Variants in RALYL observed in about 807,000 individuals in gnomAD.
The protein encoded by RALYL is RALY RNA binding protein like.
Under a neutral mutation model 35.1 loss-of-function variants are expected in RALYL, and 29 were observed. That is an observed-to-expected ratio of 0.83 (90% CI 0.61 to 1.13). The LOEUF (loss-of-function observed/expected upper bound fraction) is 1.13, where lower values mean the gene tolerates loss of function less well. RALYL is among the 50% of genes most tolerant of loss of function. RALYL has a pLI of 0.00. For synonymous variants in RALYL, 120 were observed against 127.6 expected (o/e 0.94, Z 0.40); for missense variants, 359 against 360.4 (o/e 1.00, Z 0.03).
chr8:84,392,958 T>G (rs138763291), intron 1 of RALYL, among the ~76,000 whole-genome samples: 115 of 152,232 alleles, frequency 7.6e-4, no homozygotes, highest in African/African-American at 2.7e-3. Flanking sequence ...AAGTGTTGCT[T>G]TCTGTGTTTC....
chr8:84,815,178 A>G (rs1216082753), intron 4 of RALYL, among the ~76,000 whole-genome samples: 1 of 152,238 alleles, frequency 6.6e-6, no homozygotes, highest in Non-Finnish European at 1.5e-5. Context: ...CACTCCACAG[A>G]GACCAGGATA....
intron 2 of RALYL, among the ~76,000 whole-genome samples, chr8:84,714,331 A>T (rs1842640840): frequency 6.6e-6 from 1 of 151,888 alleles, no homozygotes; most frequent in Non-Finnish European, 1.5e-5. Context: ...CAGGAGATCT[A>T]TTGTGCAACA....
At chr8:84,459,539 G>T (rs182469253) in intron 1 of RALYL, among the ~76,000 whole-genome samples, 222 of 151,830 alleles carry the variant, frequency 1.5e-3, no homozygotes, top group African/African-American at 5.1e-3. Flanking sequence ...CATTGAAAGA[G>T]GTTAAACAGA....
intron 1 of RALYL, among the ~76,000 whole-genome samples, chr8:84,400,140 A>G (rs374494749): frequency 6.6e-6 from 1 of 152,070 alleles, no homozygotes; most frequent in African/African-American, 2.4e-5. Context: ...AATGCTTGGG[A>G]CCAGAAGTGT....
In RALYL at chr8:84,916,254, T is replaced by A. The variant is rs117850943; in HGVS notation, c.859-4640T>A. ...TACTTTAGTTTATAAGATTGATTTA[T>A]CTTATATCACATATCTTGTATCTTA... On this transcript the variant is annotated intron_variant, in intron 8 of 8. Coordinates refer to ENST00000521268, the MANE Select transcript of RALYL (RefSeq NM_173848.7). Among the ~76,000 whole-genome samples, 148 of 152,282 alleles carry A rather than the reference T, an allele frequency of 9.7e-4. 1 individual carries two copies. In the East Asian group the frequency reaches 0.024, roughly 25 times the overall value.
chr8:84,409,170 C>T (rs761241461), intron 1 of RALYL, among the ~76,000 whole-genome samples: 13 of 151,936 alleles, frequency 8.6e-5, no homozygotes, highest in Admixed American at 2.0e-4. Context: ...AATATTTTAA[C>T]GTTTGAAAGT....
chr8:84,303,807 A>G (rs1024193524), intron 1 of RALYL, among the ~76,000 whole-genome samples: 1 of 152,116 alleles, frequency 6.6e-6, no homozygotes. Flanking sequence ...ATTTATGGGT[A>G]TTTCCATTTC....
chr8:84,388,796 T>A (rs866795431), intron 1 of RALYL, among the ~76,000 whole-genome samples: 35 of 152,282 alleles, frequency 2.3e-4, no homozygotes, highest in Admixed American at 3.9e-4. Context: ...GTGGGTTGCC[T>A]GTTCACTCTG....
At chr8:84,834,842 C>A (rs192825857) in intron 4 of RALYL, among the ~76,000 whole-genome samples, 1 of 152,268 alleles carries the variant, frequency 6.6e-6, no homozygotes, top group South Asian at 2.1e-4. Flanking sequence ...GAAAGTTCCA[C>A]AGATGTGTAA....
chr8:84,286,642 A>G (rs1241500960), intron 1 of RALYL, among the ~76,000 whole-genome samples: 3 of 152,230 alleles, frequency 2.0e-5, no homozygotes, highest in African/African-American at 7.2e-5. Context: ...TCATAAATCA[A>G]TACATGGAGA....
chr8:84,491,947 G>A (rs1174216626), intron 1 of RALYL, among the ~76,000 whole-genome samples: 1 of 151,720 alleles, frequency 6.6e-6, no homozygotes, highest in Non-Finnish European at 1.5e-5. Context: ...ATGAAATACA[G>A]CAAGTGATGG....
At chr8:84,206,619 ATAGT>A (rs1818118677) in intron 1 of RALYL, among the ~76,000 whole-genome samples, 1 of 152,128 alleles carries the variant, frequency 6.6e-6, no homozygotes, top group Non-Finnish European at 1.5e-5. Context: ...ACTTTGAGGA[ATAGT>A]TAGGAATGAA....
chr8:84,626,984 T>G (rs924813859), intron 2 of RALYL, among the ~76,000 whole-genome samples: 1 of 152,112 alleles, frequency 6.6e-6, no homozygotes, highest in Non-Finnish European at 1.5e-5. Context: ...AAGAACTGAT[T>G]CTAGACAAAG....
intron 1 of RALYL, among the ~76,000 whole-genome samples, chr8:84,473,777 T>A (rs1248714074): frequency 6.6e-6 from 1 of 151,928 alleles, no homozygotes; most frequent in Non-Finnish European, 1.5e-5. Context: ...GTGTTATTTT[T>A]AATAAATAAA....
chr8:84,203,795 T>C (rs1448403080), intron 1 of RALYL, among the ~76,000 whole-genome samples: 1 of 152,136 alleles, frequency 6.6e-6, no homozygotes, highest in African/African-American at 2.4e-5. Flanking sequence ...CAGTCATTTA[T>C]TTATTCTCAT....
chr8:84,333,964 G>T (rs1847302185), intron 1 of RALYL, among the ~76,000 whole-genome samples: 1 of 152,084 alleles, frequency 6.6e-6, no homozygotes, highest in African/African-American at 2.4e-5. Context: ...CTGTTTCACT[G>T]CAACCTCCAT....
chr8:84,617,901 A>T (rs180964353), intron 2 of RALYL, among the ~76,000 whole-genome samples: 16 of 151,742 alleles, frequency 1.1e-4, no homozygotes, highest in Admixed American at 3.3e-4. Context: ...ACATTTATTG[A>T]TTTGCGTATA....
intron 2 of RALYL, among the ~76,000 whole-genome samples, chr8:84,628,940 T>G (rs1359092306): frequency 6.6e-6 from 1 of 152,018 alleles, no homozygotes; most frequent in Non-Finnish European, 1.5e-5. Context: ...AAACAGATAA[T>G]CTAATAGGCA....
intron 1 of RALYL, among the ~76,000 whole-genome samples, chr8:84,208,040 C>A (rs569875419): frequency 6.6e-6 from 1 of 152,130 alleles, no homozygotes; most frequent in South Asian, 2.1e-4. Flanking sequence ...CTGCAGAGTT[C>A]TATTAGCAAT....
Sources: gnomAD v4.1 joint callset for allele counts (sites outside exome capture counted in the v4.1 genomes callset) on GRCh38, gnomAD v4.1.1 for gene constraint, MANE v1.5 for transcripts, NCBI Gene and HGNC (gene_info 2026-07-23, HGNC 2026-07-21) for gene names.